The following DCC variants were observed in gnomAD, a reference collection of about 807,000 sequenced individuals.
The protein encoded by DCC is netrin receptor DCC.
A neutral mutation model predicts 172.5 loss-of-function variants in DCC; 58 were observed. That is an observed-to-expected ratio of 0.34 (90% CI 0.27 to 0.42). The LOEUF is 0.42. Ranked by LOEUF, DCC falls within the 10% of genes least tolerant of loss-of-function variation. The pLI is 1.00. For synonymous variants in DCC, 709 were observed against 644.5 expected (o/e 1.10, Z -1.52); for missense variants, 1,740 against 1,791.0 (o/e 0.97, Z 0.51).
intron 9 of DCC, among the ~76,000 whole-genome samples, chr18:53,194,849 A>G (rs990451498): frequency 2.0e-5 from 3 of 152,216 alleles, no homozygotes; most frequent in African/African-American, 7.2e-5. Context: ...TATGTTTTCC[A>G]TCTACCCTTT....
intron 1 of DCC, among the ~76,000 whole-genome samples, chr18:52,352,368 G>A (rs748870930): frequency 2.0e-5 from 3 of 152,096 alleles, no homozygotes; most frequent in East Asian, 1.9e-4. Flanking sequence ...GACTCCAATG[G>A]CAATTTTGAA....
chr18:52,667,367 T>C (rs1332541514), intron 1 of DCC, among the ~76,000 whole-genome samples: 1 of 152,224 alleles, frequency 6.6e-6, no homozygotes, highest in Non-Finnish European at 1.5e-5. Flanking sequence ...GATATATGTC[T>C]TATCTATTTT....
At chr18:52,481,272 C>T (rs972474361) in intron 1 of DCC, among the ~76,000 whole-genome samples, 4 of 149,986 alleles carry the variant, frequency 2.7e-5, no homozygotes, top group Middle Eastern at 3.4e-3. Flanking sequence ...GCCAGCCTGG[C>T]GCATGTGGCT....
At chr18:52,991,733 T>C in intron 5 of DCC, among the ~76,000 whole-genome samples, 1 of 152,170 alleles carries the variant, frequency 6.6e-6, no homozygotes, top group East Asian at 1.9e-4. Context: ...TATGGTAACA[T>C]TCCTGCTTCT....
At chr18:52,912,115 T>A (rs1225783123) in intron 3 of DCC, among the ~76,000 whole-genome samples, 3 of 152,086 alleles carry the variant, frequency 2.0e-5, no homozygotes, top group African/African-American at 7.2e-5. Context: ...TATCATGGGG[T>A]CTGACACAGA....
intron 2 of DCC, among the ~76,000 whole-genome samples, chr18:52,865,871 C>G (rs1250350314): frequency 6.6e-6 from 1 of 152,110 alleles, no homozygotes; most frequent in African/African-American, 2.4e-5. Flanking sequence ...ATGAGAGTTT[C>G]TTTTGCTGCG....
chr18:53,308,861 G>T (rs2057232611), intron 13 of DCC, among the ~76,000 whole-genome samples: 1 of 152,104 alleles, frequency 6.6e-6, no homozygotes, highest in South Asian at 2.1e-4. Flanking sequence ...TGACATTAAG[G>T]TGTTGGTAGG....
chr18:53,349,496 G>A (rs1205428896), intron 15 of DCC, among the ~76,000 whole-genome samples: 1 of 152,070 alleles, frequency 6.6e-6, no homozygotes, highest in Non-Finnish European at 1.5e-5. Flanking sequence ...TATCTTTTCA[G>A]CAACCTCCAA....
chr18:53,170,907 AC>A (rs1385368648), intron 8 of DCC, among the ~76,000 whole-genome samples: 3 of 152,078 alleles, frequency 2.0e-5, no homozygotes, highest in African/African-American at 7.2e-5. Flanking sequence ...TTTATTTAAA[AC>A]AAGGTCTTAC....
chr18:52,746,749 A>G (rs56127929), intron 1 of DCC, among the ~76,000 whole-genome samples: 31,231 of 149,816 alleles, frequency 0.21, 4,539 homozygotes, highest in African/African-American at 0.41. Context: ...GTCTTTGGCA[A>G]TATTATTTCT....
chr18:52,660,083 G>A (rs148041506), intron 1 of DCC, among the ~76,000 whole-genome samples: 48 of 152,062 alleles, frequency 3.2e-4, no homozygotes, highest in African/African-American at 1.1e-3. Flanking sequence ...ATAAGAAATC[G>A]GTTCTCTAGA....
intron 5 of DCC, among the ~76,000 whole-genome samples, chr18:53,028,300 T>C (rs968597034): frequency 6.6e-6 from 1 of 152,174 alleles, no homozygotes; most frequent in Non-Finnish European, 1.5e-5. Context: ...TTCACATTAT[T>C]TTTATTAAAA....
At chr18:53,377,163 A>G (rs752071314) in intron 15 of DCC, among the ~76,000 whole-genome samples, 1 of 152,184 alleles carries the variant, frequency 6.6e-6, no homozygotes, top group African/African-American at 2.4e-5. Flanking sequence ...ACATGATACC[A>G]CTGTCTTAGT....
chr18:52,499,243 C>T (rs894188537), intron 1 of DCC, among the ~76,000 whole-genome samples: 6 of 152,110 alleles, frequency 3.9e-5, no homozygotes, highest in East Asian at 1.9e-4. Context: ...ATAGCAATGA[C>T]GCAGCCTGAC....
rs921104943 is a variant in DCC, at chr18:52,340,431, A to T, written c.-357A>T. Reference sequence around the variant, plus strand: ...TCCATCTCCTCTTGGTCCCTCCTGGATGTGGTTTATTGATGACTTGCGAGC... The same window carrying T: ...TCCATCTCCTCTTGGTCCCTCCTGGTTGTGGTTTATTGATGACTTGCGAGC... On this transcript the variant is annotated 5_prime_UTR_variant, in exon 1 of 29. It removes an upstream start codon present in the reference 5' UTR. Transcript: ENST00000442544. 8.1e-6 allele frequency: 3 copies of T among 371,178 alleles called. No homozygotes were observed. The highest frequency in any genetic ancestry group is 6.2e-5 in the African/African-American group (3 of 48,252). 23.0% of individuals were successfully genotyped at this position (371,178 alleles called of 1,614,324 possible). A position where few individuals can be genotyped will look rare whatever the true frequency, so the allele number is the denominator to read the frequency against.
chr18:53,491,969 A>G (rs144976369), intron 26 of DCC, among the ~76,000 whole-genome samples: 6 of 152,164 alleles, frequency 3.9e-5, no homozygotes, highest in African/African-American at 1.4e-4. Flanking sequence ...CCTCTCCAGC[A>G]TCTGTTGTTT....
chr18:52,411,883 C>A (rs1447123243), intron 1 of DCC, among the ~76,000 whole-genome samples: 1 of 152,128 alleles, frequency 6.6e-6, no homozygotes, highest in Non-Finnish European at 1.5e-5. Context: ...ACAAGCAATT[C>A]ATCACTTATG....
chr18:52,389,985 AGAGACT>A (rs1252959235), intron 1 of DCC, among the ~76,000 whole-genome samples: 1 of 152,080 alleles, frequency 6.6e-6, no homozygotes, highest in Non-Finnish European at 1.5e-5. Flanking sequence ...TTTCATATAG[AGAGACT>A]GAGACTTACA....
intron 23 of DCC, among the ~76,000 whole-genome samples, chr18:53,453,116 C>T (rs1304413269): frequency 2.6e-5 from 4 of 152,074 alleles, no homozygotes; most frequent in South Asian, 2.1e-4. Context: ...AGGGTTTCAC[C>T]GTGTTAGCCA....
Sources: allele counts gnomAD v4.1 joint callset (sites outside exome capture counted in the v4.1 genomes callset), GRCh38; gene constraint gnomAD v4.1.1; transcripts MANE v1.5; gene names NCBI Gene and HGNC (gene_info 2026-07-23, HGNC 2026-07-21).